Variants in FRRS1 observed in about 807,000 individuals in gnomAD.
FRRS1 encodes the protein ferric reductase 1.
In FRRS1, 51 loss-of-function variants were observed where a neutral mutation model predicts 70.7. That is an observed-to-expected ratio of 0.72 (90% confidence interval 0.58 to 0.91). The LOEUF is 0.91. Among genes scored for constraint, FRRS1 ranks in the 40% least tolerant of loss-of-function variants. The pLI is 0.00. For synonymous variants in FRRS1, 225 were observed against 238.7 expected (o/e 0.94, Z 0.53); for missense variants, 672 against 726.0 (o/e 0.93, Z 0.86).
At chr1:99,733,307 A>G (rs149819676) in intron 7 of FRRS1, among the ~76,000 whole-genome samples, 2 of 152,338 alleles carry the variant, frequency 1.3e-5, no homozygotes, top group African/African-American at 2.4e-5. Context: ...GATAGTGACA[A>G]TGCAACAAAG....
intron 12 of FRRS1, among the ~76,000 whole-genome samples, chr1:99,712,899 G>C (rs551969641): frequency 1.4e-5 from 2 of 143,592 alleles, no homozygotes; most frequent in East Asian, 4.0e-4. Context: ...AGTAGTTGCA[G>C]TTTTTGCAGT....
intron 9 of FRRS1, among the ~76,000 whole-genome samples, chr1:99,720,882 CAG>C (rs1237603440): frequency 1.5e-5 from 2 of 131,630 alleles, no homozygotes; most frequent in African/African-American, 2.9e-5. Flanking sequence ...CACACACACA[CAG>C]AAATCATTTC....
chr1:99,744,969 C>CAAAAAAAAAAAA (rs71075450), intron 4 of FRRS1, among the ~76,000 whole-genome samples: 50 of 91,760 alleles, frequency 5.4e-4, no homozygotes, highest in Non-Finnish European at 9.9e-4. Flanking sequence ...GACTCCGTCT[C>CAAAAAAAAAAAA]AAAAAAAAAA....
intron 4 of FRRS1, 44 bp from the exon 5 acceptor site, chr1:99,742,317 C>G: frequency 8.8e-7 from 1 of 1,142,396 alleles, no homozygotes; most frequent in Non-Finnish European, 1.3e-6. Flanking sequence ...CACTCAATAG[C>G]TCAGCATGGC....
At chr1:99,713,137 T>A (rs961205859) in intron 12 of FRRS1, among the ~76,000 whole-genome samples, 1 of 152,234 alleles carries the variant, frequency 6.6e-6, no homozygotes, top group Non-Finnish European at 1.5e-5. Context: ...CTAAGTACTT[T>A]CAGTTATTTT....
intron 1 of FRRS1, among the ~76,000 whole-genome samples, chr1:99,762,269 C>A (rs925508838): frequency 6.6e-6 from 1 of 152,108 alleles, no homozygotes; most frequent in Non-Finnish European, 1.5e-5. Flanking sequence ...ACTCCATAAG[C>A]GTTAGTTTTT....
At chr1:99,759,847 T>C (rs146252339) in intron 1 of FRRS1, among the ~76,000 whole-genome samples, 2 of 152,334 alleles carry the variant, frequency 1.3e-5, no homozygotes, top group East Asian at 3.9e-4. Context: ...GGTTAAGGAA[T>C]ATACCCTAAA....
In FRRS1 at chr1:99,729,665, A is replaced by G. The variant is rs76965331; in HGVS notation, c.843T>C (p.Pro281=). 3 of 1,610,986 alleles carry G rather than the reference A, an allele frequency of 1.9e-6. No individual in the cohort carries two copies. The highest frequency in any genetic ancestry group is 2.5e-6 in the Non-Finnish European group (3 of 1,177,488). ...TCACACCTACCCTGGAGTCCATTAC[A>G]GGGTGACTTCGCCCCGTTAAATGGG... ...QPSHLTGRSH[P]VMDSRDTLED... Residue 281 remains proline, a synonymous_variant, in exon 8 of 17, where the codon CCT becomes CCC. Coordinates refer to ENST00000646001, the MANE Select transcript of FRRS1 (RefSeq NM_001361041.2).
At chr1:99,744,657 A>G (rs1571141125) in intron 4 of FRRS1, among the ~76,000 whole-genome samples, 1 of 152,046 alleles carries the variant, frequency 6.6e-6, no homozygotes, top group African/African-American at 2.4e-5. Flanking sequence ...GTGGTGGCAC[A>G]TGCCTGTAAT....
At position 99,704,829 on chromosome 1, in the gene FRRS1, C is replaced by T. The variant is rs536918928; in HGVS notation, c.*4199G>A. The stretch of plus-strand genomic sequence containing the variant: ...AACAGTTGGCGGAGTTTGGCCGGGG[C>T]AATCAGAGGAGAGCCCAGGCAGTCT... On this transcript the variant is annotated 3_prime_UTR_variant, in exon 17 of 17. Coordinates refer to ENST00000646001, the MANE Select transcript of FRRS1 (RefSeq NM_001361041.2). Among the ~76,000 whole-genome samples, 36 of 152,210 alleles carry T rather than the reference C, an allele frequency of 2.4e-4. No individual in the cohort carries two copies. Among genetic ancestry groups the T allele is most frequent in the African/African-American group, 8.4e-4 (35 of 41,552 alleles).
intron 1 of FRRS1, among the ~76,000 whole-genome samples, chr1:99,762,651 A>G (rs931097079): frequency 2.6e-5 from 4 of 152,030 alleles, no homozygotes; most frequent in East Asian, 1.9e-4. Flanking sequence ...AAAAAACTCA[A>G]TTTGTCTGAA....
At chr1:99,749,974 C>T (rs1656490116) in intron 1 of FRRS1, among the ~76,000 whole-genome samples, 1 of 152,140 alleles carries the variant, frequency 6.6e-6, no homozygotes, top group African/African-American at 2.4e-5. Context: ...TTTTCTATAT[C>T]ATATATCTGG....
intron 4 of FRRS1, among the ~76,000 whole-genome samples, chr1:99,746,829 A>G (rs1214703204): frequency 6.6e-6 from 1 of 152,206 alleles, no homozygotes; most frequent in East Asian, 1.9e-4. Flanking sequence ...ACGAAAAAAC[A>G]AAAAAGTCAG....
chr1:99,740,408 G>C (rs1655898785), intron 6 of FRRS1, among the ~76,000 whole-genome samples: 1 of 152,098 alleles, frequency 6.6e-6, no homozygotes, highest in African/African-American at 2.4e-5. Flanking sequence ...TCCAAAACGT[G>C]CTACCACTAC....
At chr1:99,733,327 G>C (rs770156458) in intron 7 of FRRS1, among the ~76,000 whole-genome samples, 13 of 152,212 alleles carry the variant, frequency 8.5e-5, no homozygotes, top group Non-Finnish European at 1.9e-4. Flanking sequence ...GAGAATGAAA[G>C]AGGTACGTCA....
chr1:99,717,617 G>A (rs1654600105), intron 10 of FRRS1, 92 bp from the exon 11 acceptor site: 2 of 819,254 alleles, frequency 2.4e-6, no homozygotes, highest in Admixed American at 4.0e-5. Flanking sequence ...AATATAAACA[G>A]CCAGCAAAAT....
Position 99,706,648 on chromosome 1 carries a change from C to G in FRRS1, c.*2380G>C, listed in dbSNP as rs1453129266. On this transcript the variant is annotated 3_prime_UTR_variant, in exon 17 of 17. Transcript: ENST00000646001. ...GTGGCTCGTGCCTGTAATCCCAGCA[C>G]TTTGGGAGGCTGAGGCGGGTGGATT... is the stretch of plus-strand genomic sequence containing the variant. Among the ~76,000 whole-genome samples the G allele has an allele frequency of 6.6e-6, 1 of 152,124 alleles. No homozygotes were observed. The highest frequency in any genetic ancestry group is 1.5e-5 in the Non-Finnish European group (1 of 68,020).
chr1:99,727,506 C>T (rs1655130073), intron 9 of FRRS1, among the ~76,000 whole-genome samples: 1 of 152,188 alleles, frequency 6.6e-6, no homozygotes, highest in South Asian at 2.1e-4. Flanking sequence ...TAAATTTTAA[C>T]ATTGAGCAGA....
chr1:99,742,157 A>C, intron 5 of FRRS1, 22 bp downstream of exon 5: 3 of 1,479,942 alleles, frequency 2.0e-6, no homozygotes, highest in Non-Finnish European at 1.9e-6. Context: ...CCTGGCCCAG[A>C]ATTATAAACT....
Sources: gnomAD v4.1 joint callset for allele counts (sites outside exome capture counted in the v4.1 genomes callset) on GRCh38, gnomAD v4.1.1 for gene constraint, MANE v1.5 for transcripts, NCBI Gene and HGNC (gene_info 2026-07-23, HGNC 2026-07-21) for gene names.